The following FRMD4B variants were observed in gnomAD, a reference collection of about 807,000 sequenced individuals.
FRMD4B encodes FERM domain containing 4B.
A neutral mutation model predicts 141.5 loss-of-function variants in FRMD4B; 74 were observed. The ratio of observed to expected loss-of-function variants is 0.52; its 90% CI spans 0.43 to 0.63. The LOEUF (loss-of-function observed/expected upper bound fraction) is 0.63, where lower values mean the gene tolerates loss of function less well. Among genes scored for constraint, FRMD4B ranks in the 30% least tolerant of loss-of-function variants. FRMD4B has a pLI of 0.00. For synonymous variants in FRMD4B, 506 were observed against 467.9 expected (o/e 1.08, Z -1.05); for missense variants, 1,366 against 1,253.4 (o/e 1.09, Z -1.36).
At chr3:69,278,242 A>G (rs1436240844) in intron 5 of FRMD4B, among the ~76,000 whole-genome samples, 2 of 152,202 alleles carry the variant, frequency 1.3e-5, no homozygotes, top group Admixed American at 6.6e-5. Flanking sequence ...TTTGGAAAGT[A>G]TTAGGTTAAA....
chr3:69,459,491 T>C (rs1470183831), intron 1 of FRMD4B, among the ~76,000 whole-genome samples: 1 of 152,246 alleles, frequency 6.6e-6, no homozygotes, highest in Non-Finnish European at 1.5e-5. Flanking sequence ...AAAATGCCTG[T>C]ATGTGCTACC....
chr3:69,196,903 G>C lies in FRMD4B; in HGVS notation c.1089C>G (p.Ser363Arg), dbSNP rs368373866. 3 of 1,609,000 alleles carry C rather than the reference G, an allele frequency of 1.9e-6. No homozygotes were observed. The highest frequency in any genetic ancestry group is 2.6e-6 in the Non-Finnish European group (3 of 1,175,908). The stretch of plus-strand genomic sequence containing the variant: ...AGAAATGATGCCAGTTACTTACTTT[G>C]CTTTGCTTCCGGTCCAAGTAAAACT... ...QHQFYLDRKQSKAKIPSARSL... is the reference protein window; with the variant it reads ...QHQFYLDRKQRKAKIPSARSL... Residue 363 changes from serine to arginine, a missense_variant, in exon 13 of 23, where the codon AGC (serine) becomes AGG (arginine). Ser to Arg is a moderately radical substitution (Grantham distance 110, BLOSUM62 -1). Coordinates refer to ENST00000398540, the MANE Select transcript of FRMD4B (RefSeq NM_015123.3).
intron 8 of FRMD4B, 41 bp downstream of exon 8, chr3:69,224,566 G>A (rs1484359837): frequency 1.1e-6 from 1 of 870,176 alleles, no homozygotes; most frequent in Admixed American, 1.9e-5. Flanking sequence ...TCTGAATGGA[G>A]GCTATGAAAA....
In FRMD4B at chr3:69,171,709, T is replaced by G; in HGVS notation, c.*152A>C. 2.8e-6 allele frequency: 2 copies of G among 716,184 alleles called. No individual in the cohort carries two copies. Among genetic ancestry groups the G allele is most frequent in the South Asian group, 3.5e-5 (2 of 56,966 alleles). 44.4% of individuals were successfully genotyped at this position (716,184 alleles called of 1,614,324 possible). On this transcript the variant is annotated 3_prime_UTR_variant, in exon 23 of 23. Coordinates refer to ENST00000398540, the MANE Select transcript of FRMD4B (RefSeq NM_015123.3). ...GGGCTTTGTGGGGCTTGGTGTGTGATTCACTGATTCACTTCCAGGGCAACT... is the reference window on the plus strand; with the variant it reads ...GGGCTTTGTGGGGCTTGGTGTGTGAGTCACTGATTCACTTCCAGGGCAACT...
intron 7 of FRMD4B, among the ~76,000 whole-genome samples, chr3:69,245,332 TG>T: frequency 6.7e-6 from 1 of 149,584 alleles, no homozygotes; most frequent in African/African-American, 2.6e-5. Flanking sequence ...TGTGTGTGTG[TG>T]TGTGTGTGTG....
rs767603060 is a variant in FRMD4B at position 69,196,928 on chromosome 3, T to G, written c.1064A>C (p.Gln355Pro). ...SIWVMAISQH[Q>P]FYLDRKQSKA... is the part of the protein sequence containing the mutation. Reference sequence around the variant, plus strand: ...GCTTTGCTTCCGGTCCAAGTAAAACTGATGCTGACTAATTGCCATTACCCA... The same window carrying G: ...GCTTTGCTTCCGGTCCAAGTAAAACGGATGCTGACTAATTGCCATTACCCA... Residue 355 changes from glutamine to proline, a missense_variant, in exon 13 of 23, where the codon CAG becomes CCG. Transcript: ENST00000398540. 1 of 1,611,912 alleles carries G rather than the reference T, an allele frequency of 6.2e-7. No individual in the cohort carries two copies. Among genetic ancestry groups the G allele is most frequent in the South Asian group, 1.1e-5 (1 of 91,018 alleles).
At chr3:69,473,728 T>C (rs1402257383) in intron 1 of FRMD4B, among the ~76,000 whole-genome samples, 2 of 152,198 alleles carry the variant, frequency 1.3e-5, no homozygotes, top group East Asian at 1.9e-4. Flanking sequence ...ATATAATTTA[T>C]GAAACTCTGT....
At chr3:69,455,563 G>C (rs959028021) in intron 1 of FRMD4B, among the ~76,000 whole-genome samples, 1 of 152,118 alleles carries the variant, frequency 6.6e-6, no homozygotes, top group Non-Finnish European at 1.5e-5. Context: ...CTACGAACAC[G>C]TCCGACGGAA....
chr3:69,402,292 T>C (rs1256142869), intron 2 of FRMD4B, among the ~76,000 whole-genome samples: 2 of 152,208 alleles, frequency 1.3e-5, no homozygotes, highest in African/African-American at 2.4e-5. Flanking sequence ...AGCCATCTTG[T>C]TGCCACAATG....
chr3:69,214,506 A>G (rs1458942087), intron 11 of FRMD4B, among the ~76,000 whole-genome samples: 1 of 152,112 alleles, frequency 6.6e-6, no homozygotes, highest in Non-Finnish European at 1.5e-5. Context: ...GGTGATCTAT[A>G]TGGATTCTTC....
chr3:69,389,267 G>A (rs541622897), upstream of FRMD4B, among the ~76,000 whole-genome samples: 14 of 152,132 alleles, frequency 9.2e-5, no homozygotes, highest in South Asian at 2.1e-4. Flanking sequence ...TCCTGAACTC[G>A]TGATCCTCCC....
At position 69,361,362 on chromosome 3, in the gene FRMD4B, T is replaced by G. The variant is rs188620397; in HGVS notation, c.162+24466A>C. ...CATTTACTACTCAAAACCTGGGCAG[T>G]GTCTGTTACTGCTTTTTGTTTCATT... is the stretch of plus-strand genomic sequence containing the variant. On this transcript the variant is annotated intron_variant, in intron 1 of 22. Transcript: ENST00000398540. Among the ~76,000 whole-genome samples the G allele has an allele frequency of 6.6e-5, 10 of 152,302 alleles. No homozygotes were observed. The East Asian group carries it at 1.5e-3, about 24-fold the overall frequency.
chr3:69,227,446 T>G (rs2093265096), intron 7 of FRMD4B, among the ~76,000 whole-genome samples: 1 of 152,118 alleles, frequency 6.6e-6, no homozygotes, highest in South Asian at 2.1e-4. Context: ...GGGGATCACC[T>G]GAGGTCAGGA....
At chr3:69,416,515 T>A (rs1704864517) in intron 2 of FRMD4B, among the ~76,000 whole-genome samples, 1 of 152,182 alleles carries the variant, frequency 6.6e-6, no homozygotes, top group Non-Finnish European at 1.5e-5. Context: ...CTCAAAAACC[T>A]CAAATGCAAA....
intron 1 of FRMD4B, among the ~76,000 whole-genome samples, chr3:69,322,023 C>T (rs1201508844): frequency 1.3e-5 from 2 of 152,162 alleles, no homozygotes; most frequent in Non-Finnish European, 2.9e-5. Flanking sequence ...ATGATTTAAA[C>T]AGACAGAGCA....
intron 11 of FRMD4B, among the ~76,000 whole-genome samples, chr3:69,214,300 G>A (rs1254579312): frequency 6.6e-6 from 1 of 152,180 alleles, no homozygotes; most frequent in Non-Finnish European, 1.5e-5. Context: ...GGAAATTACA[G>A]GAGTTATTTA....
chr3:69,420,994 C>G (rs1440390115), intron 2 of FRMD4B, among the ~76,000 whole-genome samples: 2 of 152,206 alleles, frequency 1.3e-5, no homozygotes, highest in Non-Finnish European at 2.9e-5. Context: ...TCAGGCCTCC[C>G]TCCCTCCCAC....
Position 69,540,636 on chromosome 3 carries a change from AAT to A in FRMD4B, c.-129+1568_-129+1569del, listed in dbSNP as rs1553652110. The stretch of plus-strand genomic sequence containing the variant: ...TCTAAAAAAAAAAAAAAAAAAAAAA[AAT>A]ATATATATATATATATATATATACA... On this transcript the variant is annotated intron_variant, in intron 1 of 5. Transcript: ENST00000459638. Among the ~76,000 whole-genome samples, 370 of 69,512 alleles carry A rather than the reference AAT, an allele frequency of 5.3e-3. 22 individuals are homozygous for A. The highest frequency in any genetic ancestry group is 0.014 in the Middle Eastern group (2 of 138). The allele number at this position is 69,512 out of a possible 152,430, so 45.6% of individuals were successfully genotyped here. A position where few individuals can be genotyped will look rare whatever the true frequency, so the allele number is the denominator to read the frequency against.
intron 11 of FRMD4B, 71 bp downstream of exon 11, chr3:69,216,192 T>A: frequency 1.2e-6 from 1 of 845,510 alleles, no homozygotes; most frequent in Non-Finnish European, 2.0e-6. Context: ...TAATGGTGTG[T>A]GCTTTTCAAC....
Sources: gnomAD v4.1 joint callset for allele counts (sites outside exome capture counted in the v4.1 genomes callset) on GRCh38, gnomAD v4.1.1 for gene constraint, MANE v1.5 for transcripts, NCBI Gene and HGNC (gene_info 2026-07-23, HGNC 2026-07-21) for gene names.